HEATR4: variants seen among roughly 807,000 people sequenced by gnomAD.
HEATR4 encodes the protein HEAT repeat containing 4, also known as HEAT repeat-containing protein 4.
HEATR4 carries 95 observed loss-of-function variants against 108.8 expected under a neutral mutation model. The observed-to-expected ratio is 0.87, with a 90% CI of 0.74 to 1.04. The LOEUF is 1.04. HEATR4 is among the 50% of genes least tolerant of loss of function. HEATR4 has a pLI of 0.00. For missense variants in HEATR4, 1,152 were observed against 1,253.8 expected (o/e 0.92, Z 1.23); for synonymous variants, 443 against 459.4 (o/e 0.96, Z 0.46).
At chr14:73,586,071 T>C in the HEATR4 span, among the ~76,000 whole-genome samples, 1 of 151,352 alleles carries the variant, frequency 6.6e-6, no homozygotes, top group Non-Finnish European at 1.5e-5. Flanking sequence ...TCTTTTCTTA[T>C]GGAAAACATT....
At chr14:73,629,066 A>G in the HEATR4 span, among the ~76,000 whole-genome samples, 2 of 151,814 alleles carry the variant, frequency 1.3e-5, no homozygotes, top group African/African-American at 4.8e-5. Flanking sequence ...CAAAAAAAAA[A>G]AAAGAAAGAA....
At chr14:73,597,534 G>T in the HEATR4 span, among the ~76,000 whole-genome samples, 1 of 151,092 alleles carries the variant, frequency 6.6e-6, no homozygotes, top group African/African-American at 2.4e-5. Flanking sequence ...ATAGGCATGT[G>T]CCAGCACGCC....
At chr14:73,499,194 G>A (rs1886273560) in intron 12 of HEATR4, 54 bp from the exon 13 acceptor site, 1 of 1,507,950 alleles carries the variant, frequency 6.6e-7, no homozygotes, top group African/African-American at 1.4e-5. Flanking sequence ...GAATGAACCA[G>A]AAACAGCTGG....
In HEATR4 at chr14:73,498,258, G is replaced by C. The variant is rs770303872; in HGVS notation, c.2443C>G (p.Leu815Val). 4 of 1,614,140 alleles carry C rather than the reference G, an allele frequency of 2.5e-6. No homozygotes were observed. Among genetic ancestry groups the C allele is most frequent in the Non-Finnish European group, 3.4e-6 (4 of 1,180,026 alleles). Residue 815 changes from leucine to valine, a missense_variant, in exon 14 of 18, where the codon CTG becomes GTG. Coordinates refer to ENST00000553558, the MANE Select transcript of HEATR4 (RefSeq NM_001220484.1). ...IHYEESPGVRLEACRSILALK... is the reference protein window; with the variant it reads ...IHYEESPGVRVEACRSILALK... ...GCTAGGATGCTACGGCAAGCTTCCA[G>C]CCGTACACCTGGTGACTCTTCATAG... is the stretch of plus-strand genomic sequence containing the variant.
chr14:73,613,013 C>G, the HEATR4 span: 1 of 917,652 alleles, frequency 1.1e-6, no homozygotes, highest in African/African-American at 1.8e-5. Context: ...GCGCGCCGCG[C>G]TCTTCCTGCC....
At position 73,492,603 on chromosome 14, in the gene HEATR4, G is replaced by A. The variant is rs764991790; in HGVS notation, c.2844+463C>T. On this transcript the variant is annotated intron_variant, in intron 17 of 17. Transcript: ENST00000553558. The surrounding 1 kb of genome is among the most constrained non-coding windows in gnomAD (Gnocchi z 4.9). ...CTAAGTGTTTACGGGCTTCCAATTC[G>A]CTGGGAGGCTGGAGAACCTGTAAAC... 6.2e-7 allele frequency: 1 copy of A among 1,613,812 alleles called. No homozygotes were observed. The highest frequency in any genetic ancestry group is 1.3e-5 in the African/African-American group (1 of 74,888).
In HEATR4 at chr14:73,527,961, CAAAAAAAA is replaced by C. The variant is rs34109465; in HGVS notation, c.-73+2197_-73+2204del. Among the ~76,000 whole-genome samples, 278 of 52,710 alleles carry C rather than the reference CAAAAAAAA, an allele frequency of 5.3e-3. 2 individuals are homozygous for C. The highest frequency in any genetic ancestry group is 0.018 in the African/African-American group (245 of 13,844). The allele number at this position is 52,710 out of a possible 152,430, so 34.6% of individuals were successfully genotyped here. ...GGGTAACAGGGGCAAAACTCCATCTCAAAAAAAAAAAAAAAAAAAAAAAAGGAGTGATT... is the reference window on the plus strand; with the variant it reads ...GGGTAACAGGGGCAAAACTCCATCTCAAAAAAAAAAAAAAAAGGAGTGATT... On this transcript the variant is annotated intron_variant, in intron 2 of 17. Transcript: ENST00000553558.
the HEATR4 span, chr14:73,591,745 C>T: frequency 2.3e-6 from 1 of 435,400 alleles, no homozygotes; most frequent in Non-Finnish European, 3.9e-6. Flanking sequence ...CCCAAGGAGA[C>T]GACCCTGAAG....
chr14:73,624,880 A>G, the HEATR4 span, among the ~76,000 whole-genome samples: 1 of 152,150 alleles, frequency 6.6e-6, no homozygotes, highest in Non-Finnish European at 1.5e-5. Flanking sequence ...ATTTTCAAAT[A>G]CAGGTATACT....
At chr14:73,630,958 A>G in the HEATR4 span, among the ~76,000 whole-genome samples, 1 of 152,182 alleles carries the variant, frequency 6.6e-6, no homozygotes, top group Non-Finnish European at 1.5e-5. Context: ...GGACTTTAAC[A>G]AGTCCTTGCT....
At chr14:73,572,699 G>A in the HEATR4 span, among the ~76,000 whole-genome samples, 1 of 144,774 alleles carries the variant, frequency 6.9e-6, no homozygotes, top group Non-Finnish European at 1.5e-5. Flanking sequence ...CCAGGCTGGA[G>A]TAGTGGCACA....
chr14:73,594,954 C>G, the HEATR4 span: 1 of 1,470,022 alleles, frequency 6.8e-7, no homozygotes, highest in Non-Finnish European at 9.3e-7. Context: ...ATCCGCCCGC[C>G]TCCGCCTCGC....
At chr14:73,497,142 C>T (rs370270837) in intron 14 of HEATR4, among the ~76,000 whole-genome samples, 8 of 149,344 alleles carry the variant, frequency 5.4e-5, no homozygotes, top group Non-Finnish European at 1.0e-4. Context: ...GTGATCCACC[C>T]GCCTTGGCCT....
the HEATR4 span, among the ~76,000 whole-genome samples, chr14:73,627,663 C>T: frequency 6.6e-6 from 1 of 152,174 alleles, no homozygotes; most frequent in South Asian, 2.1e-4. Flanking sequence ...GTTCAGCTAT[C>T]CAGAAGATCT....
rs186369338 is a variant in HEATR4, at chr14:73,512,710, C to A, written c.1415-561G>T. Among the ~76,000 whole-genome samples the A allele has an allele frequency of 1.9e-3, 294 of 152,320 alleles. 4 individuals are homozygous for A. The highest frequency in any genetic ancestry group is 6.2e-3 in the African/African-American group (258 of 41,582). The stretch of plus-strand genomic sequence containing the variant: ...ATTAGGTTCTTTGTCTTTGAGGGCA[C>A]TTCCATTTGGCTTTCAACATCTTCC... On this transcript the variant is annotated intron_variant, in intron 6 of 17. Coordinates refer to ENST00000553558, the MANE Select transcript of HEATR4 (RefSeq NM_001220484.1).
rs35313704 is a variant in HEATR4 at position 73,519,370 on chromosome 14, G to GA, written c.1070-208dup. Among the ~76,000 whole-genome samples the GA allele has an allele frequency of 6.6e-3, 975 of 147,976 alleles. 4 individuals are homozygous for GA. Among genetic ancestry groups the GA allele is most frequent in the Middle Eastern group, 0.017 (5 of 286 alleles). On this transcript the variant is annotated intron_variant, in intron 4 of 17. Transcript: ENST00000553558. The stretch of plus-strand genomic sequence containing the variant: ...ATAAATCACTATAGTGTCTGTGGGG[G>GA]AAAAAAAAAAGAAAAAGGAAATGTC...
In HEATR4 at chr14:73,535,321, T is replaced by C. The variant is rs1446067821; in HGVS notation, c.-151-5077A>G. Among the ~76,000 whole-genome samples the C allele has an allele frequency of 1.8e-5, 2 of 113,446 alleles. 1 individual carries two copies. The highest frequency in any genetic ancestry group is 5.7e-5 in the African/African-American group (2 of 35,022). 74.4% of individuals were successfully genotyped at this position (113,446 alleles called of 152,430 possible). Reference sequence around the variant, plus strand: ...GATTGCCATGAAAAGGTCATACCAGTTTATATATCCACCAATATGAGTTTC... The same window carrying C: ...GATTGCCATGAAAAGGTCATACCAGCTTATATATCCACCAATATGAGTTTC... On this transcript the variant is annotated intron_variant, in intron 1 of 17. Coordinates refer to ENST00000553558, the MANE Select transcript of HEATR4 (RefSeq NM_001220484.1).
chr14:73,563,645 T>C (rs1269085457), upstream of HEATR4, among the ~76,000 whole-genome samples: 2 of 151,858 alleles, frequency 1.3e-5, no homozygotes, highest in Admixed American at 6.6e-5. Flanking sequence ...ATGTACTTAA[T>C]ATCATTGATT....
At chr14:73,494,717 A>C (rs751467242) in intron 16 of HEATR4, among the ~76,000 whole-genome samples, 6 of 151,876 alleles carry the variant, frequency 4.0e-5, no homozygotes, top group African/African-American at 4.8e-5. Flanking sequence ...CACCCAGATA[A>C]TTTTTATTTA....
Sources: allele counts gnomAD v4.1 joint callset (sites outside exome capture counted in the v4.1 genomes callset), GRCh38; gene constraint gnomAD v4.1.1; non-coding constraint Gnocchi (gnomAD v3.1); transcripts MANE v1.5; gene names NCBI Gene and HGNC (gene_info 2026-07-23, HGNC 2026-07-21).